MTR: variants seen among roughly 807,000 people sequenced by gnomAD.
The protein encoded by MTR is methionine synthase.
A neutral mutation model predicts 154.8 loss-of-function variants in MTR; 84 were observed. That is an observed-to-expected ratio of 0.54 (90% CI 0.45 to 0.65). The LOEUF is 0.65. Ranked by LOEUF, MTR falls within the 30% of genes least tolerant of loss-of-function variation. The pLI is 0.00. For missense variants in MTR, 1,275 were observed against 1,570.2 expected (o/e 0.81, Z 3.18); for synonymous variants, 554 against 553.9 (o/e 1.00, Z 0.00).
At chr1:236,808,505 C>T (rs1661115091) in intron 3 of MTR, among the ~76,000 whole-genome samples, 199 bp from the exon 4 acceptor site, 1 of 152,164 alleles carries the variant, frequency 6.6e-6, no homozygotes, top group African/African-American at 2.4e-5. Flanking sequence ...AAAGCAGTTC[C>T]CAAGGACTCT....
chr1:236,811,556 A>G, intron 5 of MTR: 1 of 455,170 alleles, frequency 2.2e-6, no homozygotes. Context: ...TTTTTGGTTT[A>G]TGGAACTTTG....
intron 1 of MTR, among the ~76,000 whole-genome samples, chr1:236,796,032 C>G (rs768120625): frequency 6.6e-6 from 1 of 152,162 alleles, no homozygotes; most frequent in Non-Finnish European, 1.5e-5. Flanking sequence ...CTTTCCAGTT[C>G]CACGCAGCAT....
At chr1:236,846,182 T>C (rs1663559445) in intron 15 of MTR, among the ~76,000 whole-genome samples, 1 of 152,250 alleles carries the variant, frequency 6.6e-6, no homozygotes, top group African/African-American at 2.4e-5. Context: ...CCAACTGTTA[T>C]TCTTAACTCT....
intron 14 of MTR, among the ~76,000 whole-genome samples, chr1:236,837,576 T>C (rs972701447): frequency 2.6e-5 from 4 of 152,226 alleles, no homozygotes; most frequent in African/African-American, 4.8e-5. Context: ...TGGTAGTCAC[T>C]TAATTATTTA....
Position 236,859,702 on chromosome 1 carries a change from C to T in MTR, c.1954-131C>T, listed in dbSNP as rs375566718. On this transcript the variant is annotated intron_variant, in intron 18 of 32. Coordinates refer to ENST00000366577, the MANE Select transcript of MTR (RefSeq NM_000254.3). ...CATTGAGATCTTATTTTATGCTGGA[C>T]AGTCTACTAGGGGCTGGAAAAGTAA... 1.1e-5 allele frequency: 8 copies of T among 715,262 alleles called. No homozygotes were observed. The East Asian group carries it at 1.9e-4, about 17-fold the overall frequency. The allele number at this position is 715,262 out of a possible 1,614,324, so 44.3% of individuals were successfully genotyped here.
Position 236,897,656 on chromosome 1 carries a change from T to C in MTR, c.*12T>C, listed in dbSNP as rs1275939050. ...ATGATACAGACTAACTTTTTTTTTT[T>C]TTTTGCCTTTTTTATTCTTGATGAT... On this transcript the variant is annotated 3_prime_UTR_variant, in exon 33 of 33. Coordinates refer to ENST00000366577, the MANE Select transcript of MTR (RefSeq NM_000254.3). 6.2e-7 allele frequency: 1 copy of C among 1,603,268 alleles called. No individual in the cohort carries two copies. The highest frequency in any genetic ancestry group is 2.2e-5 in the East Asian group (1 of 44,812).
chr1:236,870,041 G>C (rs1665037808), intron 22 of MTR, among the ~76,000 whole-genome samples: 1 of 152,160 alleles, frequency 6.6e-6, no homozygotes, highest in South Asian at 2.1e-4. Context: ...TCTCAACTCA[G>C]ATGTGCCAGG....
intron 15 of MTR, among the ~76,000 whole-genome samples, chr1:236,844,537 G>C (rs1249537126): frequency 6.6e-6 from 1 of 151,572 alleles, no homozygotes; most frequent in Non-Finnish European, 1.5e-5. Context: ...GTAAGCTAAT[G>C]AGAATGATCT....
intron 18 of MTR, among the ~76,000 whole-genome samples, chr1:236,857,588 T>G (rs2103277883): frequency 6.6e-6 from 1 of 152,364 alleles, no homozygotes; most frequent in South Asian, 2.1e-4. Flanking sequence ...TAGCATTAAT[T>G]CATCCAGCTA....
At position 236,862,264 on chromosome 1, in the gene MTR, A is replaced by G. The variant is rs569803081; in HGVS notation, c.2225A>G (p.Lys742Arg). The change falls in exon 21 of 33, where the codon AAG becomes AGG. Residue 742 changes from lysine to arginine, a missense_variant. Lys to Arg is a conservative substitution (Grantham distance 26). Coordinates refer to ENST00000366577, the MANE Select transcript of MTR (RefSeq NM_000254.3). ...ATAAAGTCAGCCCGGGTTATGAAGA[A>G]GGCTGTTGGCCACCTTATCCCTTTC... ...QVIKSARVMK[K>R]AVGHLIPFME... 1 of 1,614,024 alleles carries G rather than the reference A, an allele frequency of 6.2e-7. No homozygotes were observed. Among genetic ancestry groups the G allele is most frequent in the Admixed American group, 1.7e-5 (1 of 60,020 alleles).
In MTR at chr1:236,850,387, A is replaced by G. The variant is rs1242741686; in HGVS notation, c.1559A>G (p.Tyr520Cys). ...AAAATCAGAGTGTGCACCCGGGCCT[A>G]CCATCTGCTTGTGAAAAAACTGGGC... Reference protein sequence around the residue: ...DTKIRVCTRAYHLLVKKLGFN... With the variant: ...DTKIRVCTRACHLLVKKLGFN... Residue 520 changes from tyrosine to cysteine, a missense_variant, in exon 16 of 33, where the codon TAC (tyrosine) becomes TGC (cysteine). Coordinates refer to ENST00000366577, the MANE Select transcript of MTR (RefSeq NM_000254.3). 1.9e-6 allele frequency: 3 copies of G among 1,613,690 alleles called. No homozygotes were observed. In the African/African-American group the frequency reaches 4.0e-5, roughly 22 times the overall value.
chr1:236,878,763 G>A (rs79828294), intron 24 of MTR, among the ~76,000 whole-genome samples: 2,685 of 152,266 alleles, frequency 0.018, 83 homozygotes, highest in African/African-American at 0.061. Flanking sequence ...TAGATTTGGG[G>A]TCTTTGGTCC....
chr1:236,825,520 GT>G, intron 10 of MTR, 121 bp downstream of exon 10: 1 of 1,030,606 alleles, frequency 9.7e-7, no homozygotes, highest in Non-Finnish European at 1.5e-6. Context: ...ACAAAGAAAA[GT>G]TTAGCTATCC....
At position 236,898,173 on chromosome 1, in the gene MTR, G is replaced by C. The variant is rs1220964169; in HGVS notation, c.*529G>C. 3 of 156,950 alleles carry C rather than the reference G, an allele frequency of 1.9e-5. No homozygotes were observed. Among genetic ancestry groups the C allele is most frequent in the African/African-American group, 7.2e-5 (3 of 41,402 alleles). 9.7% of individuals were successfully genotyped at this position (156,950 alleles called of 1,614,324 possible). On this transcript the variant is annotated 3_prime_UTR_variant, in exon 33 of 33. Coordinates refer to ENST00000366577, the MANE Select transcript of MTR (RefSeq NM_000254.3). ...CTTCGGAAGACCTCGTTTTCTAAAGGCTGGACTAAATGGCTGCAGAACTCC... is the reference window on the plus strand; with the variant it reads ...CTTCGGAAGACCTCGTTTTCTAAAGCCTGGACTAAATGGCTGCAGAACTCC...
At position 236,795,750 on chromosome 1, in the gene MTR, C is replaced by T; in HGVS notation, c.34+13C>T. 1 of 1,614,160 alleles carries T rather than the reference C, an allele frequency of 6.2e-7. No homozygotes were observed. The highest frequency in any genetic ancestry group is 8.5e-7 in the Non-Finnish European group (1 of 1,180,038). On this transcript the variant is annotated intron_variant, in intron 1 of 32. Coordinates refer to ENST00000366577, the MANE Select transcript of MTR (RefSeq NM_000254.3). Reference sequence around the variant, plus strand: ...CTGTCGCAACCCGGTAACGCTGCGACCCCGTCTGCGTGGTTGGGTTGTGTT... The same window carrying T: ...CTGTCGCAACCCGGTAACGCTGCGATCCCGTCTGCGTGGTTGGGTTGTGTT...
intron 16 of MTR, 140 bp downstream of exon 16, chr1:236,850,663 A>G: frequency 2.4e-6 from 2 of 836,014 alleles, no homozygotes; most frequent in Non-Finnish European, 3.8e-6. Context: ...TCTGAAATGT[A>G]GGAGACCTTA....
intron 24 of MTR, among the ~76,000 whole-genome samples, 170 bp from the exon 25 acceptor site, chr1:236,880,585 A>T (rs1285355400): frequency 1.3e-5 from 2 of 152,202 alleles, no homozygotes; most frequent in Non-Finnish European, 2.9e-5. Flanking sequence ...GGAAAAAGTC[A>T]TTCATGTTTT....
intron 15 of MTR, among the ~76,000 whole-genome samples, chr1:236,839,292 A>G (rs572740589): frequency 2.6e-5 from 4 of 152,348 alleles, no homozygotes; most frequent in South Asian, 4.1e-4. Context: ...CAGTGGGTGA[A>G]TATTCCTAAT....
At position 236,819,883 on chromosome 1, in the gene MTR, G is replaced by A. The variant is rs1558284984; in HGVS notation, c.764+3340G>A. 9.5e-6 allele frequency: 8 copies of A among 844,586 alleles called. No homozygotes were observed. In the Middle Eastern group the frequency reaches 9.6e-4, roughly 101 times the overall value. The allele number at this position is 844,586 out of a possible 1,614,324, so 52.3% of individuals were successfully genotyped here. A position where few individuals can be genotyped will look rare whatever the true frequency, so the allele number is the denominator to read the frequency against. The stretch of plus-strand genomic sequence containing the variant: ...AGTGTCATATCCTCCAGGAATACTG[G>A]CCAGAGGGCCGTGCTGAAGTTTGCT... On this transcript the variant is annotated intron_variant, in intron 8 of 32. Coordinates refer to ENST00000366577, the MANE Select transcript of MTR (RefSeq NM_000254.3).
Sources: gnomAD v4.1 joint callset for allele counts (sites outside exome capture counted in the v4.1 genomes callset) on GRCh38, gnomAD v4.1.1 for gene constraint, MANE v1.5 for transcripts, NCBI Gene and HGNC (gene_info 2026-07-23, HGNC 2026-07-21) for gene names.